Variants in PLCB4 observed in about 807,000 individuals in gnomAD.
PLCB4 encodes the protein 1-phosphatidylinositol 4,5-bisphosphate phosphodiesterase beta-4.
A neutral mutation model predicts 178.8 loss-of-function variants in PLCB4; 77 were observed. The observed-to-expected ratio is 0.43, with a 90% CI of 0.36 to 0.52. PLCB4 has a LOEUF of 0.52. PLCB4 is among the 20% of genes least tolerant of loss of function. PLCB4 has a pLI of 0.00. For missense variants in PLCB4, 1,024 were observed against 1,453.4 expected, an observed-to-expected ratio of 0.70 and a Z score of 4.80; for synonymous variants, 496 against 490.8, an observed-to-expected ratio of 1.01 and a Z score of -0.14.
intron 2 of PLCB4, among the ~76,000 whole-genome samples, chr20:9,125,776 T>C (rs1035027038): frequency 6.6e-6 from 1 of 152,228 alleles, no homozygotes; most frequent in Non-Finnish European, 1.5e-5. Context: ...TATATGCGTA[T>C]ACACATATAA....
At chr20:9,266,802 A>G (rs2094354010) in intron 3 of PLCB4, among the ~76,000 whole-genome samples, 1 of 152,126 alleles carries the variant, frequency 6.6e-6, no homozygotes, top group Non-Finnish European at 1.5e-5. Flanking sequence ...CTACATTTCT[A>G]TATTTGTGTG....
chr20:9,227,148 T>C (rs2093876422), intron 3 of PLCB4, among the ~76,000 whole-genome samples: 1 of 151,966 alleles, frequency 6.6e-6, no homozygotes, highest in Admixed American at 6.5e-5. Flanking sequence ...GTTGTCTGCT[T>C]TTTTGATGTT....
chr20:9,300,720 A>C (rs1332498607), intron 3 of PLCB4, among the ~76,000 whole-genome samples: 2 of 152,164 alleles, frequency 1.3e-5, no homozygotes, highest in Non-Finnish European at 2.9e-5. Flanking sequence ...CTGATGATTC[A>C]GTTGAACACA....
At chr20:9,219,506 C>G (rs1009428942) in intron 3 of PLCB4, among the ~76,000 whole-genome samples, 1 of 152,112 alleles carries the variant, frequency 6.6e-6, no homozygotes, top group Non-Finnish European at 1.5e-5. Flanking sequence ...GCTCCAGATC[C>G]TGGGGCTGAA....
chr20:9,068,828 G>A (rs1320421894), upstream of PLCB4: 1 of 151,530 alleles, frequency 6.6e-6, no homozygotes, highest in Non-Finnish European at 1.5e-5. Flanking sequence ...GCAGGGCCCG[G>A]CGGTGGGCGG....
In PLCB4 at chr20:9,444,141, CA is replaced by C. The variant is rs761161360; in HGVS notation, c.2815-31del. The C allele has an allele frequency of 2.7e-5, 41 of 1,528,596 alleles. No homozygotes were observed. The African/African-American group carries it at 5.6e-4, about 21-fold the overall frequency. 94.7% of individuals were successfully genotyped at this position (1,528,596 alleles called of 1,614,324 possible). A position where few individuals can be genotyped will look rare whatever the true frequency, so the allele number is the denominator to read the frequency against. ...TCATTGTGATTACAAAAAGAAAAAA[CA>C]AAAAACCTATTTTTGATTCTATTTT... On this transcript the variant is annotated intron_variant, in intron 31 of 39. Coordinates refer to ENST00000378473, the MANE Select transcript of PLCB4 (RefSeq NM_001377142.1).
chr20:9,146,012 T>C (rs992320195), intron 2 of PLCB4, among the ~76,000 whole-genome samples: 1 of 152,090 alleles, frequency 6.6e-6, no homozygotes, highest in Non-Finnish European at 1.5e-5. Flanking sequence ...AGAGGTCATA[T>C]TTTATGTGAG....
At chr20:9,193,906 C>G (rs2093435466) in intron 2 of PLCB4, among the ~76,000 whole-genome samples, 1 of 151,978 alleles carries the variant, frequency 6.6e-6, no homozygotes, top group Non-Finnish European at 1.5e-5. Context: ...CAGTGTTAGA[C>G]CATTAGACCT....
intron 3 of PLCB4, among the ~76,000 whole-genome samples, chr20:9,230,100 G>A (rs1249508018): frequency 6.6e-6 from 1 of 152,078 alleles, no homozygotes; most frequent in East Asian, 1.9e-4. Context: ...GCTTGCAGAT[G>A]GCTGCTTTCT....
chr20:9,380,862 G>A (rs74767845), intron 13 of PLCB4, among the ~76,000 whole-genome samples: 2,727 of 152,248 alleles, frequency 0.018, 84 homozygotes, highest in African/African-American at 0.06. Flanking sequence ...AATGTAAAGA[G>A]ATGAAAGTTC....
chr20:9,310,753 A>C (rs1286668666), intron 4 of PLCB4, among the ~76,000 whole-genome samples: 1 of 152,152 alleles, frequency 6.6e-6, no homozygotes. Context: ...AGCAGGGAGT[A>C]AGCAGTCAGT....
At chr20:9,070,391 C>G (rs537928516) in intron 1 of PLCB4, among the ~76,000 whole-genome samples, 4 of 152,160 alleles carry the variant, frequency 2.6e-5, no homozygotes, top group African/African-American at 9.7e-5. Context: ...TGTGGTTGAA[C>G]TGAGACCCTC....
At chr20:9,442,520 A>AC (rs11481431) in intron 30 of PLCB4, among the ~76,000 whole-genome samples, 36,329 of 152,092 alleles carry the variant, frequency 0.24, 5,185 homozygotes, top group African/African-American at 0.39. Context: ...TTGAACCAAG[A>AC]CAAAAAGAAA....
intron 35 of PLCB4, among the ~76,000 whole-genome samples, chr20:9,464,813 C>T (rs891882930): frequency 6.6e-6 from 1 of 152,010 alleles, no homozygotes; most frequent in Non-Finnish European, 1.5e-5. Context: ...CAAAAAAAGT[C>T]CAGGACCAGA....
At chr20:9,177,549 G>A (rs143730134) in intron 2 of PLCB4, among the ~76,000 whole-genome samples, 1 of 152,276 alleles carries the variant, frequency 6.6e-6, no homozygotes, top group African/African-American at 2.4e-5. Context: ...CCCCTTGAAA[G>A]CAACTTAGAA....
intron 2 of PLCB4, among the ~76,000 whole-genome samples, chr20:9,193,719 T>C (rs1167984802): frequency 6.6e-6 from 1 of 152,202 alleles, no homozygotes; most frequent in Non-Finnish European, 1.5e-5. Flanking sequence ...AATAGGATTC[T>C]TAAGTCATGT....
At chr20:9,241,420 T>A (rs1028154064) in intron 3 of PLCB4, among the ~76,000 whole-genome samples, 2 of 145,150 alleles carry the variant, frequency 1.4e-5, no homozygotes, top group African/African-American at 5.2e-5. Flanking sequence ...ACACACACAC[T>A]CACTCACTCC....
At chr20:9,269,853 A>G (rs1022318666) in intron 3 of PLCB4, among the ~76,000 whole-genome samples, 4 of 152,172 alleles carry the variant, frequency 2.6e-5, no homozygotes, top group African/African-American at 9.6e-5. Context: ...AATTTCCTCT[A>G]AAACCTGTAT....
intron 6 of PLCB4, among the ~76,000 whole-genome samples, chr20:9,338,636 C>T (rs2148069291): frequency 6.6e-6 from 1 of 152,208 alleles, no homozygotes; most frequent in Non-Finnish European, 1.5e-5. Flanking sequence ...GAGAATGCAC[C>T]ACTGTTCACC....
Sources: allele counts gnomAD v4.1 joint callset (sites outside exome capture counted in the v4.1 genomes callset), GRCh38; gene constraint gnomAD v4.1.1; transcripts MANE v1.5; gene names NCBI Gene and HGNC (gene_info 2026-07-23, HGNC 2026-07-21).